TDRD3: variants seen among roughly 807,000 people sequenced by gnomAD.
TDRD3 encodes tudor domain-containing protein 3.
A neutral mutation model predicts 86.7 loss-of-function variants in TDRD3; 45 were observed. The ratio of observed to expected loss-of-function variants is 0.52; its 90% CI spans 0.41 to 0.67. The LOEUF is 0.67. Among genes scored for constraint, TDRD3 ranks in the 30% least tolerant of loss-of-function variants. TDRD3 has a pLI of 0.00. For synonymous variants in TDRD3, 298 were observed against 301.7 expected (o/e 0.99, Z 0.13); for missense variants, 814 against 889.0 (o/e 0.92, Z 1.07).
intron 12 of TDRD3, among the ~76,000 whole-genome samples, chr13:60,546,666 G>A (rs951762531): frequency 6.6e-6 from 1 of 152,128 alleles, no homozygotes; most frequent in South Asian, 2.1e-4. Context: ...GAAAAAAGTG[G>A]TCATACCAGG....
At chr13:60,475,842 T>C (rs891324575) in intron 5 of TDRD3, among the ~76,000 whole-genome samples, 8 of 152,232 alleles carry the variant, frequency 5.3e-5, no homozygotes, top group Non-Finnish European at 1.0e-4. Flanking sequence ...GTATGTCTTC[T>C]TTTGAGAAAT....
intron 5 of TDRD3, among the ~76,000 whole-genome samples, chr13:60,481,745 A>G (rs1258139025): frequency 1.3e-5 from 2 of 152,096 alleles, no homozygotes; most frequent in East Asian, 1.9e-4. Flanking sequence ...CTAAATTTTC[A>G]GATGGTTATG....
chr13:60,571,403 A>G (rs568669722), intron 13 of TDRD3, among the ~76,000 whole-genome samples: 1 of 152,320 alleles, frequency 6.6e-6, no homozygotes, highest in African/African-American at 2.4e-5. Flanking sequence ...AAAAAAAGAT[A>G]AACATTGTAG....
In TDRD3 at chr13:60,397,303, G is replaced by T; in HGVS notation, c.-62G>T. The T allele has an allele frequency of 3.7e-5, 29 of 786,852 alleles. No individual in the cohort carries two copies. The highest frequency in any genetic ancestry group is 5.0e-5 in the Non-Finnish European group (27 of 536,700). 48.7% of individuals were successfully genotyped at this position (786,852 alleles called of 1,614,324 possible). On this transcript the variant is annotated 5_prime_UTR_variant, in exon 1 of 14. Transcript: ENST00000377881. Reference sequence around the variant, plus strand: ...TTTTTTTTAAGGGGGGGGGTCTCAAGTAGGAGGCCTCCCCATCACCCCCAC... The same window carrying T: ...TTTTTTTTAAGGGGGGGGGTCTCAATTAGGAGGCCTCCCCATCACCCCCAC...
chr13:60,460,285 C>A, intron 3 of TDRD3, 95 bp from the exon 4 acceptor site: 1 of 1,042,348 alleles, frequency 9.6e-7, no homozygotes, highest in Non-Finnish European at 1.3e-6. Context: ...TAAAGCATGA[C>A]TATTAAGGAA....
At chr13:60,397,846 G>A (rs971985766) in intron 1 of TDRD3, among the ~76,000 whole-genome samples, 5 of 152,106 alleles carry the variant, frequency 3.3e-5, no homozygotes, top group East Asian at 1.9e-4. Flanking sequence ...GAACGCGGCC[G>A]GAGCCCGCGG....
chr13:60,514,687 T>A (rs1356436099), intron 10 of TDRD3, among the ~76,000 whole-genome samples: 1 of 152,114 alleles, frequency 6.6e-6, no homozygotes, highest in African/African-American at 2.4e-5. Context: ...GTAGAGGTAG[T>A]GCTGTGAGGA....
At chr13:60,505,938 A>G (rs142838090) in intron 8 of TDRD3, among the ~76,000 whole-genome samples, 43 of 152,346 alleles carry the variant, frequency 2.8e-4, no homozygotes, top group African/African-American at 1.0e-3. Context: ...GAAGAATGGA[A>G]CCAAGTTGGA....
At chr13:60,519,488 A>C (rs1213107260) in intron 10 of TDRD3, among the ~76,000 whole-genome samples, 1 of 152,158 alleles carries the variant, frequency 6.6e-6, no homozygotes, top group Non-Finnish European at 1.5e-5. Flanking sequence ...TAAGTAGCTA[A>C]ATTACTCAGA....
intron 10 of TDRD3, among the ~76,000 whole-genome samples, chr13:60,520,923 T>C (rs1957273444): frequency 6.6e-6 from 1 of 152,216 alleles, no homozygotes; most frequent in Non-Finnish European, 1.5e-5. Flanking sequence ...TATTTTCAAA[T>C]TGAATCGTTA....
At position 60,523,970 on chromosome 13, in the gene TDRD3, T is replaced by C. The variant is rs1555287880; in HGVS notation, c.1142-4397T>C. ...CCATTTCTACTTGTGCTTTTTTTTTTCCACCTTTTCCTTTGGGGTGATTTA... is the reference window on the plus strand; with the variant it reads ...CCATTTCTACTTGTGCTTTTTTTTTCCCACCTTTTCCTTTGGGGTGATTTA... On this transcript the variant is annotated intron_variant, in intron 10 of 13. Transcript: ENST00000377881. 3.3e-5 allele frequency among the ~76,000 whole-genome samples: 5 copies of C among 152,162 alleles called. No homozygotes were observed. In the East Asian group the frequency reaches 5.8e-4, roughly 18 times the overall value.
At chr13:60,434,701 A>G (rs1955047266) in intron 1 of TDRD3, among the ~76,000 whole-genome samples, 1 of 152,118 alleles carries the variant, frequency 6.6e-6, no homozygotes. Context: ...GTGAAAAAAA[A>G]AAGTGTGCTT....
chr13:60,467,453 A>G, intron 5 of TDRD3, 74 bp downstream of exon 5: 1 of 1,525,158 alleles, frequency 6.6e-7, no homozygotes, highest in Non-Finnish European at 8.9e-7. Context: ...TCTTTCAATA[A>G]TGAGTAAAAT....
chr13:60,569,018 G>T (rs536259013), intron 13 of TDRD3, among the ~76,000 whole-genome samples: 17 of 152,148 alleles, frequency 1.1e-4, no homozygotes, highest in African/African-American at 3.9e-4. Flanking sequence ...ACTCAGGCTG[G>T]AGTGCAGTGG....
intron 4 of TDRD3, among the ~76,000 whole-genome samples, chr13:60,461,614 C>G (rs953995089): frequency 2.0e-5 from 3 of 152,150 alleles, no homozygotes. Flanking sequence ...ATACTTTTCT[C>G]TTGAGCAGGC....
At chr13:60,541,919 GT>G (rs549804930) in intron 12 of TDRD3, among the ~76,000 whole-genome samples, 1,691 of 151,460 alleles carry the variant, frequency 0.011, 39 homozygotes, top group African/African-American at 0.039. Flanking sequence ...TAGAGACAGG[GT>G]TTCTCCATGT....
intron 7 of TDRD3, among the ~76,000 whole-genome samples, chr13:60,489,261 T>G (rs1956523677): frequency 3.9e-5 from 6 of 152,258 alleles, no homozygotes; most frequent in Admixed American, 3.9e-4. Context: ...TCTTTTAGAC[T>G]GATAAGAAAT....
intron 10 of TDRD3, among the ~76,000 whole-genome samples, chr13:60,517,473 G>A (rs146785006): frequency 3.2e-3 from 490 of 152,262 alleles, no homozygotes; most frequent in African/African-American, 8.8e-3. Flanking sequence ...GGAAATCTAT[G>A]GTAGAGTGCC....
chr13:60,492,272 T>A (rs921077314), intron 7 of TDRD3, among the ~76,000 whole-genome samples: 16 of 152,206 alleles, frequency 1.1e-4, no homozygotes, highest in African/African-American at 3.6e-4. Flanking sequence ...GGAAATATAT[T>A]TAATTTGGAG....
Sources: allele counts gnomAD v4.1 joint callset (sites outside exome capture counted in the v4.1 genomes callset), GRCh38; gene constraint gnomAD v4.1.1; transcripts MANE v1.5; gene names NCBI Gene and HGNC (gene_info 2026-07-23, HGNC 2026-07-21).